NIM1K: variants seen among roughly 807,000 people sequenced by gnomAD.
The protein encoded by NIM1K is serine/threonine-protein kinase NIM1.
Under a neutral mutation model 37.1 loss-of-function variants are expected in NIM1K, and 35 were observed. That is an observed-to-expected ratio of 0.94 (90% CI 0.72 to 1.25). The LOEUF (loss-of-function observed/expected upper bound fraction) is 1.25, where lower values mean the gene tolerates loss of function less well. NIM1K is among the 50% of genes most tolerant of loss of function. The pLI is 0.00. For synonymous variants in NIM1K, 234 were observed against 206.6 expected (o/e 1.13, Z -1.14); for missense variants, 564 against 548.0 (o/e 1.03, Z -0.29).
chr5:43,262,505 C>T (rs1029667142), intron 2 of NIM1K, among the ~76,000 whole-genome samples: 6 of 152,002 alleles, frequency 3.9e-5, no homozygotes, highest in Non-Finnish European at 7.4e-5. Flanking sequence ...AGGAGATTTG[C>T]GGCTGAGACG....
chr5:43,262,702 G>C (rs960856793), intron 2 of NIM1K, among the ~76,000 whole-genome samples: 1 of 152,122 alleles, frequency 6.6e-6, no homozygotes, highest in African/African-American at 2.4e-5. Flanking sequence ...CAAAGGGAAT[G>C]CTTCCAGTTT....
intron 1 of NIM1K, among the ~76,000 whole-genome samples, chr5:43,221,355 G>A (rs570016937): frequency 1.3e-5 from 2 of 151,116 alleles, no homozygotes; most frequent in South Asian, 4.2e-4. Flanking sequence ...GGAGGCTGAG[G>A]CATGAGAATT....
intron 1 of NIM1K, among the ~76,000 whole-genome samples, chr5:43,211,033 A>AT (rs1170918788): frequency 6.6e-6 from 1 of 152,174 alleles, no homozygotes; most frequent in African/African-American, 2.4e-5. Flanking sequence ...TTAGCCAGGC[A>AT]TGATGGCAGG....
chr5:43,254,020 G>T (rs142127329), intron 2 of NIM1K, among the ~76,000 whole-genome samples: 1 of 152,094 alleles, frequency 6.6e-6, no homozygotes, highest in East Asian at 1.9e-4. Flanking sequence ...ATTTCAGTGC[G>T]GAATGTGAAT....
chr5:43,257,545 G>T (rs944401484), intron 2 of NIM1K, among the ~76,000 whole-genome samples: 2 of 151,588 alleles, frequency 1.3e-5, no homozygotes, highest in East Asian at 3.9e-4. Flanking sequence ...AGAGACGGGG[G>T]TTTCACCATG....
intron 1 of NIM1K, among the ~76,000 whole-genome samples, chr5:43,244,603 G>T (rs1337682430): frequency 2.0e-5 from 3 of 152,170 alleles, no homozygotes; most frequent in Admixed American, 6.5e-5. Context: ...GGAAAAATCA[G>T]CCTTTGTCAT....
intron 1 of NIM1K, chr5:43,194,835 G>A (rs1248758259): frequency 6.6e-6 from 1 of 152,012 alleles, no homozygotes; most frequent in Non-Finnish European, 1.5e-5. Flanking sequence ...TGGGCTCAAG[G>A]GATCTTCCTG....
chr5:43,234,776 AG>A (rs1752593542), intron 1 of NIM1K, among the ~76,000 whole-genome samples: 1 of 152,124 alleles, frequency 6.6e-6, no homozygotes, highest in Non-Finnish European at 1.5e-5. Flanking sequence ...CGGGGATTAC[AG>A]GTGTCTGCCA....
At chr5:43,250,996 A>G (rs770717117) in intron 2 of NIM1K, among the ~76,000 whole-genome samples, 3 of 152,230 alleles carry the variant, frequency 2.0e-5, no homozygotes, top group Non-Finnish European at 4.4e-5. Flanking sequence ...CAGTTGCCTC[A>G]GCTGTAAAAT....
intron 1 of NIM1K, among the ~76,000 whole-genome samples, chr5:43,239,997 T>C (rs1210649672): frequency 2.0e-5 from 3 of 152,134 alleles, no homozygotes; most frequent in African/African-American, 7.3e-5. Context: ...TAACCAAAAG[T>C]AAAGCAAACT....
At chr5:43,246,088 G>C in intron 2 of NIM1K, 21 bp downstream of exon 2, 1 of 1,587,230 alleles carries the variant, frequency 6.3e-7, no homozygotes. Flanking sequence ...ACTTCCCAAG[G>C]GTCATCCCTG....
chr5:43,204,647 G>A (rs1752082277), intron 1 of NIM1K, among the ~76,000 whole-genome samples: 1 of 150,376 alleles, frequency 6.6e-6, no homozygotes, highest in Non-Finnish European at 1.5e-5. Context: ...GGAGGTTGCA[G>A]TGAGCCAAGA....
chr5:43,192,368 C>G lies in NIM1K; in HGVS notation c.-738C>G, dbSNP rs960174981. The G allele has an allele frequency of 6.6e-6, 1 of 152,424 alleles. No homozygotes were observed. The highest frequency in any genetic ancestry group is 1.5e-5 in the Non-Finnish European group (1 of 68,214). 9.4% of individuals were successfully genotyped at this position (152,424 alleles called of 1,614,324 possible). A position where few individuals can be genotyped will look rare whatever the true frequency, so the allele number is the denominator to read the frequency against. ...GAGGCAACAACCCAGCGCGCCTAGC[C>G]TGGCGCCGTGCAGCGAAGCCCAAGA... On this transcript the variant is annotated 5_prime_UTR_variant, in exon 1 of 4. Transcript: ENST00000326035.
chr5:43,215,522 C>T lies in NIM1K; in HGVS notation c.-695+23111C>T, dbSNP rs1047589259. Among the ~76,000 whole-genome samples the T allele has an allele frequency of 5.9e-5, 9 of 152,352 alleles. No individual in the cohort carries two copies. The East Asian group carries it at 1.2e-3, about 20-fold the overall frequency. On this transcript the variant is annotated intron_variant, in intron 1 of 3. Coordinates refer to ENST00000326035, the MANE Select transcript of NIM1K (RefSeq NM_153361.4). ...CAATCTCGGCTCACGCAGTCCCCGC[C>T]TCCTGGGCTCAGGTGATTCTCCTGC... is the stretch of plus-strand genomic sequence containing the variant.
At chr5:43,279,386 T>C (rs1753402789) in intron 3 of NIM1K, among the ~76,000 whole-genome samples, 1 of 152,124 alleles carries the variant, frequency 6.6e-6, no homozygotes, top group South Asian at 2.1e-4. Context: ...CACAAAGCCA[T>C]TTTCCAAGAG....
At chr5:43,235,050 A>G (rs961110052) in intron 1 of NIM1K, among the ~76,000 whole-genome samples, 1 of 152,222 alleles carries the variant, frequency 6.6e-6, no homozygotes, top group Non-Finnish European at 1.5e-5. Context: ...TGCATTTATA[A>G]TTTGTTTCAT....
In NIM1K at chr5:43,245,652, AG is replaced by A; in HGVS notation, c.-122del. 4 of 916,908 alleles carry A rather than the reference AG, an allele frequency of 4.4e-6. No individual in the cohort carries two copies. Among genetic ancestry groups the A allele is most frequent in the Non-Finnish European group, 4.9e-6 (3 of 611,894 alleles). The allele number at this position is 916,908 out of a possible 1,614,324, so 56.8% of individuals were successfully genotyped here. On this transcript the variant is annotated 5_prime_UTR_variant, in exon 2 of 4. Coordinates refer to ENST00000326035, the MANE Select transcript of NIM1K (RefSeq NM_153361.4). The stretch of plus-strand genomic sequence containing the variant: ...CCGAGAGGGAGGCTGCTCAGCTCTC[AG>A]GAAAACTCTTTTGAACCCTGGGCAC...
Position 43,255,782 on chromosome 5 carries a change from A to C in NIM1K, c.292+9715A>C, listed in dbSNP as rs564913695. Among the ~76,000 whole-genome samples, 532 of 66,796 alleles carry C rather than the reference A, an allele frequency of 8.0e-3. 2 individuals are homozygous for C. Among genetic ancestry groups the C allele is most frequent in the African/African-American group, 0.022 (516 of 23,222 alleles). 43.8% of individuals were successfully genotyped at this position (66,796 alleles called of 152,430 possible). ...AGAAAGAAAGAAAGAAAGAAAGAGC[A>C]GGAGGGGAGATAGAAAGCATTGAGG... On this transcript the variant is annotated intron_variant, in intron 2 of 3. Transcript: ENST00000326035.
intron 1 of NIM1K, among the ~76,000 whole-genome samples, chr5:43,225,121 A>G (rs1737981799): frequency 6.6e-6 from 1 of 152,152 alleles, no homozygotes; most frequent in Admixed American, 6.5e-5. Context: ...CTTAAGCTAC[A>G]GTGTCAGGGT....
Sources: gnomAD v4.1 joint callset for allele counts (sites outside exome capture counted in the v4.1 genomes callset) on GRCh38, gnomAD v4.1.1 for gene constraint, MANE v1.5 for transcripts, NCBI Gene and HGNC (gene_info 2026-07-23, HGNC 2026-07-21) for gene names.